UBASH3B: variants seen among roughly 807,000 people sequenced by gnomAD.
UBASH3B encodes the protein ubiquitin associated and SH3 domain containing B, also known as ubiquitin-associated and SH3 domain-containing protein B.
UBASH3B carries 37 observed loss-of-function variants against 83.4 expected under a neutral mutation model. The ratio of observed to expected loss-of-function variants is 0.44; its 90% confidence interval spans 0.34 to 0.58. The LOEUF is 0.58. Ranked by LOEUF, UBASH3B falls within the 20% of genes least tolerant of loss-of-function variation. The probability of loss-of-function intolerance (pLI) is 0.01; values close to 1 mark genes in which losing one functional copy is unlikely to be tolerated. For missense variants in UBASH3B, 657 were observed against 827.2 expected (o/e 0.79, Z 2.52); for synonymous variants, 304 against 318.3 (o/e 0.96, Z 0.48).
intron 1 of UBASH3B, among the ~76,000 whole-genome samples, chr11:122,767,547 G>A (rs917392150): frequency 2.6e-5 from 4 of 152,092 alleles, no homozygotes; most frequent in African/African-American, 4.8e-5. Flanking sequence ...TCTTGACCTC[G>A]TGATCCACCC....
chr11:122,692,686 C>T (rs998841122), intron 1 of UBASH3B, among the ~76,000 whole-genome samples: 2 of 152,242 alleles, frequency 1.3e-5, no homozygotes, highest in Non-Finnish European at 2.9e-5. Flanking sequence ...CAGGGTTTGT[C>T]TCATACGATC....
At chr11:122,798,871 C>G (rs1243863595) in intron 9 of UBASH3B, 71 bp from the exon 10 acceptor site, 2 of 1,322,168 alleles carry the variant, frequency 1.5e-6, no homozygotes, top group East Asian at 2.3e-5. Flanking sequence ...GCTTGGCCCC[C>G]TCTCACACTG....
At chr11:122,737,730 A>G (rs770589709) in intron 1 of UBASH3B, among the ~76,000 whole-genome samples, 3 of 152,118 alleles carry the variant, frequency 2.0e-5, no homozygotes, top group Non-Finnish European at 4.4e-5. Context: ...CACTTTTTGA[A>G]CACATGAGGT....
chr11:122,736,400 A>G (rs996742651), intron 1 of UBASH3B, among the ~76,000 whole-genome samples: 1 of 152,064 alleles, frequency 6.6e-6, no homozygotes, highest in African/African-American at 2.4e-5. Context: ...AAGTTAAGGC[A>G]TGCAGAAGGG....
chr11:122,728,606 A>G (rs1357959792), intron 1 of UBASH3B, among the ~76,000 whole-genome samples: 1 of 152,218 alleles, frequency 6.6e-6, no homozygotes, highest in Non-Finnish European at 1.5e-5. Context: ...GTGATTCCCC[A>G]GCCTAACATG....
chr11:122,785,021 C>G (rs962850197), intron 5 of UBASH3B, among the ~76,000 whole-genome samples: 1 of 152,130 alleles, frequency 6.6e-6, no homozygotes, highest in Non-Finnish European at 1.5e-5. Context: ...CAGATGGCCT[C>G]TGAGAAGTCA....
chr11:122,677,242 C>A (rs1863680524), intron 1 of UBASH3B, among the ~76,000 whole-genome samples: 1 of 152,178 alleles, frequency 6.6e-6, no homozygotes, highest in South Asian at 2.1e-4. Context: ...GGGTTATATG[C>A]AAATACTGCA....
At chr11:122,728,150 G>A (rs745400086) in intron 1 of UBASH3B, among the ~76,000 whole-genome samples, 3 of 152,136 alleles carry the variant, frequency 2.0e-5, no homozygotes, top group Non-Finnish European at 2.9e-5. Flanking sequence ...AGCCCATCTT[G>A]AGGTGAAACT....
chr11:122,693,647 C>T (rs1169446286), intron 1 of UBASH3B, among the ~76,000 whole-genome samples: 3 of 151,584 alleles, frequency 2.0e-5, no homozygotes, highest in Non-Finnish European at 2.9e-5. Context: ...CTGAGGTGGG[C>T]GGATCACTTG....
At chr11:122,732,725 T>C (rs75985328) in intron 1 of UBASH3B, among the ~76,000 whole-genome samples, 2,291 of 152,282 alleles carry the variant, frequency 0.015, 58 homozygotes, top group African/African-American at 0.052. Flanking sequence ...ACTAACAAGC[T>C]AATTAAAAAT....
chr11:122,684,186 G>A (rs1016246663), intron 1 of UBASH3B, among the ~76,000 whole-genome samples: 1 of 152,188 alleles, frequency 6.6e-6, no homozygotes, highest in African/African-American at 2.4e-5. Context: ...CCTAGAGTCT[G>A]TGTGCACATT....
At chr11:122,672,147 G>A (rs569655114) in intron 1 of UBASH3B, among the ~76,000 whole-genome samples, 7 of 151,958 alleles carry the variant, frequency 4.6e-5, no homozygotes, top group South Asian at 4.2e-4. Flanking sequence ...GAATTGTGCC[G>A]CATTCTGAAG....
intron 1 of UBASH3B, among the ~76,000 whole-genome samples, chr11:122,684,778 A>G (rs1179616104): frequency 6.6e-6 from 1 of 152,130 alleles, no homozygotes; most frequent in African/African-American, 2.4e-5. Context: ...TTGTATTTTT[A>G]GTAGAGACGG....
intron 1 of UBASH3B, among the ~76,000 whole-genome samples, chr11:122,720,886 A>AT (rs199519343): frequency 0.014 from 2,050 of 149,690 alleles, 37 homozygotes; most frequent in African/African-American, 0.047. Context: ...AAATCTTTGT[A>AT]TTTTTTTTTT....
Position 122,655,984 on chromosome 11 carries a change from A to G in UBASH3B, c.-66A>G. 1 of 1,092,902 alleles carries G rather than the reference A, an allele frequency of 9.1e-7. No individual in the cohort carries two copies. Among genetic ancestry groups the G allele is most frequent in the East Asian group, 5.0e-5 (1 of 19,986 alleles). 67.7% of individuals were successfully genotyped at this position (1,092,902 alleles called of 1,614,324 possible). On this transcript the variant is annotated 5_prime_UTR_variant, in exon 1 of 14. Transcript: ENST00000284273. ...GAGCCCCCTCCCCTGGCCCAGCCCGACTCCCTCCTCCTTCCCGAACCATCC... is the reference window on the plus strand; with the variant it reads ...GAGCCCCCTCCCCTGGCCCAGCCCGGCTCCCTCCTCCTTCCCGAACCATCC...
chr11:122,694,954 C>CTTTTTTTTTTTTTTTTT lies in UBASH3B; in HGVS notation c.161+38755_161+38771dup, dbSNP rs71054088. 5.0e-4 allele frequency among the ~76,000 whole-genome samples: 25 copies of CTTTTTTTTTTTTTTTTT among 50,414 alleles called. 7 individuals carry two copies. Among genetic ancestry groups the CTTTTTTTTTTTTTTTTT allele is most frequent in the Non-Finnish European group, 7.5e-4 (21 of 28,038 alleles). The allele number at this position is 50,414 out of a possible 152,430, so 33.1% of individuals were successfully genotyped here. A position where few individuals can be genotyped will look rare whatever the true frequency, so the allele number is the denominator to read the frequency against. ...TATTTATTTTTCTTTTCTTTTCTTTCTTTTTTTTTTTTTTTTTTTTTTTTT... is the reference window on the plus strand; with the variant it reads ...TATTTATTTTTCTTTTCTTTTCTTTCTTTTTTTTTTTTTTTTTTTTTTTTTTTTTTTTTTTTTTTTTT... On this transcript the variant is annotated intron_variant, in intron 1 of 13. Transcript: ENST00000284273.
intron 10 of UBASH3B, among the ~76,000 whole-genome samples, chr11:122,799,346 G>T (rs1861209867): frequency 6.6e-6 from 1 of 152,114 alleles, no homozygotes; most frequent in African/African-American, 2.4e-5. Context: ...AATTAGCCAG[G>T]TGTAGTGCTG....
intron 1 of UBASH3B, among the ~76,000 whole-genome samples, chr11:122,742,399 A>G (rs1336343082): frequency 6.6e-6 from 1 of 152,200 alleles, no homozygotes; most frequent in Non-Finnish European, 1.5e-5. Context: ...CCTTTTTCCT[A>G]TGACCTCTGA....
intron 1 of UBASH3B, among the ~76,000 whole-genome samples, chr11:122,724,429 C>G (rs1860695708): frequency 6.6e-6 from 1 of 152,206 alleles, no homozygotes; most frequent in Non-Finnish European, 1.5e-5. Flanking sequence ...GGCATAGAGG[C>G]AACCACCAGG....
Sources: gnomAD v4.1 joint callset for allele counts (sites outside exome capture counted in the v4.1 genomes callset) on GRCh38, gnomAD v4.1.1 for gene constraint, MANE v1.5 for transcripts, NCBI Gene and HGNC (gene_info 2026-07-23, HGNC 2026-07-21) for gene names.